The following FAF1 variants were observed in gnomAD, a reference collection of about 807,000 sequenced individuals.
FAF1 encodes FAS-associated factor 1.
Under a neutral mutation model 92.5 loss-of-function variants are expected in FAF1, and 25 were observed. That is an observed-to-expected ratio of 0.27 (90% CI 0.20 to 0.38). The LOEUF (loss-of-function observed/expected upper bound fraction) is 0.38, where lower values mean the gene tolerates loss of function less well. FAF1 is among the 10% of genes least tolerant of loss of function. FAF1 has a pLI of 1.00. For missense variants in FAF1, 636 were observed against 793.3 expected (o/e 0.80, Z 2.38); for synonymous variants, 234 against 273.2 (o/e 0.86, Z 1.42).
At chr1:50,606,912 C>T (rs1443309164) in intron 8 of FAF1, 1 of 152,144 alleles carries the variant, frequency 6.6e-6, no homozygotes, top group African/African-American at 2.4e-5. Flanking sequence ...GAACTTGCTC[C>T]AGGTTTCCCA....
intron 6 of FAF1, among the ~76,000 whole-genome samples, chr1:50,706,939 C>T (rs2124426059): frequency 6.6e-6 from 1 of 152,286 alleles, no homozygotes; most frequent in East Asian, 1.9e-4. Flanking sequence ...CACGGTGGCT[C>T]ACGCCTGTAA....
chr1:50,669,182 C>T (rs1211225715), intron 7 of FAF1, among the ~76,000 whole-genome samples: 1 of 152,124 alleles, frequency 6.6e-6, no homozygotes, highest in Non-Finnish European at 1.5e-5. Context: ...GTTGGGGATG[C>T]CCTCAAGTAT....
At chr1:50,489,901 T>C (rs541585187) in intron 17 of FAF1, among the ~76,000 whole-genome samples, 1 of 736 alleles carries the variant, frequency 1.4e-3, no homozygotes, top group Non-Finnish European at 2.7e-3. Flanking sequence ...CCAACAAATA[T>C]TTGTTGGCAC....
chr1:50,742,830 C>T (rs772079550), intron 5 of FAF1, among the ~76,000 whole-genome samples: 12 of 152,168 alleles, frequency 7.9e-5, no homozygotes, highest in Non-Finnish European at 1.5e-4. Context: ...TCAGCAGCAG[C>T]GGGGGATAGC....
chr1:50,461,684 A>G (rs1646432968), intron 18 of FAF1, among the ~76,000 whole-genome samples: 1 of 152,180 alleles, frequency 6.6e-6, no homozygotes, highest in Non-Finnish European at 1.5e-5. Context: ...AATATTTCCA[A>G]TTATGAAAGA....
In FAF1 at chr1:50,588,104, T is replaced by C. The variant is rs563126377; in HGVS notation, c.841-3293A>G. Among the ~76,000 whole-genome samples the C allele has an allele frequency of 3.3e-5, 5 of 152,204 alleles. No individual in the cohort carries two copies. The South Asian group carries it at 1.0e-3, about 32-fold the overall frequency. The stretch of plus-strand genomic sequence containing the variant: ...GAGTTCGAGACCAGCCTGGCCAACA[T>C]GATGAAACCCCATCTCCACTAAAAA... On this transcript the variant is annotated intron_variant, in intron 9 of 18. Coordinates refer to ENST00000396153, the MANE Select transcript of FAF1 (RefSeq NM_007051.3).
chr1:50,718,141 T>C (rs1658263634), intron 6 of FAF1, among the ~76,000 whole-genome samples: 3 of 152,076 alleles, frequency 2.0e-5, no homozygotes, highest in Admixed American at 6.6e-5. Context: ...TGCTTCAGCC[T>C]CCCAAGTAGC....
intron 18 of FAF1, among the ~76,000 whole-genome samples, chr1:50,445,100 C>T (rs1387428930): frequency 6.6e-6 from 1 of 152,058 alleles, no homozygotes; most frequent in Non-Finnish European, 1.5e-5. Flanking sequence ...TATTTTATTT[C>T]AATAGTTTTT....
intron 4 of FAF1, chr1:50,780,982 G>T: frequency 2.1e-6 from 1 of 483,974 alleles, no homozygotes; most frequent in South Asian, 1.5e-5. Flanking sequence ...TGCCAAGGGT[G>T]ACTCCAAGGC....
At chr1:50,520,997 T>A (rs1009088153) in intron 15 of FAF1, among the ~76,000 whole-genome samples, 2 of 152,208 alleles carry the variant, frequency 1.3e-5, no homozygotes, top group Admixed American at 6.5e-5. Context: ...GACAAATTCC[T>A]TAAAGAACAG....
chr1:50,886,573 C>T (rs1441396810), intron 1 of FAF1, among the ~76,000 whole-genome samples: 1 of 152,034 alleles, frequency 6.6e-6, no homozygotes, highest in East Asian at 1.9e-4. Context: ...TTTCCCCTTC[C>T]TGGGTCCATG....
At chr1:50,581,501 T>C (rs1650985012) in intron 12 of FAF1, among the ~76,000 whole-genome samples, 1 of 152,132 alleles carries the variant, frequency 6.6e-6, no homozygotes, top group Non-Finnish European at 1.5e-5. Flanking sequence ...TTATTAAACA[T>C]TTACTGAATT....
chr1:50,531,489 G>A (rs966601056), intron 15 of FAF1, among the ~76,000 whole-genome samples: 1 of 152,046 alleles, frequency 6.6e-6, no homozygotes, highest in African/African-American at 2.4e-5. Flanking sequence ...CAGGCTTTAG[G>A]CAAAAATAGA....
Position 50,722,114 on chromosome 1 carries a change from C to T in FAF1, c.552-16223G>A, listed in dbSNP as rs535936311. 6.6e-5 allele frequency among the ~76,000 whole-genome samples: 10 copies of T among 152,206 alleles called. No individual in the cohort carries two copies. In the South Asian group the frequency reaches 2.1e-3, roughly 32 times the overall value. On this transcript the variant is annotated intron_variant, in intron 6 of 18. Transcript: ENST00000396153. ...ACAAAAATACTTAGCCACAGGAGTC[C>T]CCCACTGGCAATTGCTCATCTATTC...
intron 2 of FAF1, among the ~76,000 whole-genome samples, chr1:50,844,829 T>C (rs746405060): frequency 4.6e-5 from 7 of 152,084 alleles, no homozygotes; most frequent in Non-Finnish European, 8.8e-5. Context: ...CATAAAGTTA[T>C]GGTCAAGATT....
intron 6 of FAF1, 60 bp from the exon 7 acceptor site, chr1:50,705,951 C>A: frequency 1.0e-6 from 1 of 992,202 alleles, no homozygotes; most frequent in Non-Finnish European, 1.6e-6. Flanking sequence ...GCTTGCTTTA[C>A]AGCTAGCTGC....
chr1:50,938,904 T>G (rs1159160267), intron 1 of FAF1, among the ~76,000 whole-genome samples: 1 of 152,236 alleles, frequency 6.6e-6, no homozygotes, highest in Non-Finnish European at 1.5e-5. Flanking sequence ...CTGAGTTTTC[T>G]ATTCTGTTCC....
chr1:50,739,265 T>C (rs1489374768), intron 5 of FAF1, among the ~76,000 whole-genome samples: 5 of 152,270 alleles, frequency 3.3e-5, no homozygotes, highest in Non-Finnish European at 2.9e-5. Flanking sequence ...TATGTGCATG[T>C]GTACATGTGC....
At chr1:50,536,163 T>A (rs1213338803) in intron 14 of FAF1, among the ~76,000 whole-genome samples, 1 of 152,220 alleles carries the variant, frequency 6.6e-6, no homozygotes. Context: ...TGCTTTTAAA[T>A]GATTCTTATG....
Sources: allele counts gnomAD v4.1 joint callset (sites outside exome capture counted in the v4.1 genomes callset), GRCh38; gene constraint gnomAD v4.1.1; transcripts MANE v1.5; gene names NCBI Gene and HGNC (gene_info 2026-07-23, HGNC 2026-07-21).